KCNQ1: variants seen among roughly 807,000 people sequenced by gnomAD.
The protein encoded by KCNQ1 is potassium voltage-gated channel subfamily KQT member 1.
In KCNQ1, 49 loss-of-function variants were observed where a neutral mutation model predicts 72.4. The ratio of observed to expected loss-of-function variants is 0.68; its 90% CI spans 0.54 to 0.86. The LOEUF is 0.86. KCNQ1 is among the 40% of genes least tolerant of loss of function. KCNQ1 has a pLI of 0.00. For missense variants in KCNQ1, 790 were observed against 945.1 expected, an observed-to-expected ratio of 0.84 and a Z score of 2.15; for synonymous variants, 450 against 412.6, an observed-to-expected ratio of 1.09 and a Z score of -1.10.
chr11:2,449,523 C>T (rs1048279958), intron 1 of KCNQ1, among the ~76,000 whole-genome samples: 2 of 151,972 alleles, frequency 1.3e-5, no homozygotes, highest in African/African-American at 4.8e-5. Context: ...GCTGGCACGT[C>T]AGCTGCTGCT....
rs112479859 is a variant in KCNQ1, at chr11:2,748,530, G to T, written c.1515-20314G>T. Among the ~76,000 whole-genome samples, 1 of 152,230 alleles carries T rather than the reference G, an allele frequency of 6.6e-6. No individual in the cohort carries two copies. Among genetic ancestry groups the T allele is most frequent in the Non-Finnish European group, 1.5e-5 (1 of 68,034 alleles). On this transcript the variant is annotated intron_variant, in intron 11 of 15. Coordinates refer to ENST00000155840, the MANE Select transcript of KCNQ1 (RefSeq NM_000218.3). The surrounding 1 kb of genome is among the most constrained non-coding windows in gnomAD (Gnocchi z 6.2). ...CCCGAGGGCCCAGCTGGGCGTCCAC[G>T]TGGAGGTGTGGGGCCCGGGTGGGAC...
At chr11:2,814,027 A>ATGGG (rs1847551204) in intron 15 of KCNQ1, among the ~76,000 whole-genome samples, 1 of 148,190 alleles carries the variant, frequency 6.7e-6, no homozygotes, top group African/African-American at 2.5e-5. Flanking sequence ...TGATGGATGG[A>ATGGG]TGGGTGTGTG....
Position 2,602,099 on chromosome 11 carries a change from G to A in KCNQ1, c.1393+13245G>A, listed in dbSNP as rs538293226. Among the ~76,000 whole-genome samples the A allele has an allele frequency of 6.6e-6, 1 of 152,276 alleles. No individual in the cohort carries two copies. The highest frequency in any genetic ancestry group is 2.4e-5 in the African/African-American group (1 of 41,548). On this transcript the variant is annotated intron_variant, in intron 10 of 15. Transcript: ENST00000155840. The surrounding 1 kb of genome is among the most constrained non-coding windows in gnomAD (Gnocchi z 4.8). ...GGGTTACGTGGCCACGGAAGCAGGGGCAGGAAATGGCAATGTGATTTGAGG... is the reference window on the plus strand; with the variant it reads ...GGGTTACGTGGCCACGGAAGCAGGGACAGGAAATGGCAATGTGATTTGAGG...
chr11:2,793,255 CA>C (rs1847066537), intron 15 of KCNQ1, among the ~76,000 whole-genome samples: 1 of 152,192 alleles, frequency 6.6e-6, no homozygotes, highest in Admixed American at 6.5e-5. Context: ...GGACCATATC[CA>C]ATAACGGGTG....
chr11:2,791,231 C>T (rs1334975991), intron 15 of KCNQ1, among the ~76,000 whole-genome samples: 1 of 152,184 alleles, frequency 6.6e-6, no homozygotes, highest in African/African-American at 2.4e-5. Flanking sequence ...GGCCGGAGCC[C>T]GCAGCGGCCG....
chr11:2,632,182 C>CAAA lies in KCNQ1; in HGVS notation c.1394-29760_1394-29758dup, dbSNP rs34998500. On this transcript the variant is annotated intron_variant, in intron 10 of 15. Coordinates refer to ENST00000155840, the MANE Select transcript of KCNQ1 (RefSeq NM_000218.3). ...TGGGCGACAGACCAAGACTCTGCCT[C>CAAA]AAAAAAAAAAAAAAAAAAAAAGAAA... 864 of 310,098 alleles carry CAAA rather than the reference C, an allele frequency of 2.8e-3. 1 individual carries two copies. The highest frequency in any genetic ancestry group is 4.6e-3 in the South Asian group (23 of 5,004). 19.2% of individuals were successfully genotyped at this position (310,098 alleles called of 1,614,324 possible). A position where few individuals can be genotyped will look rare whatever the true frequency, so the allele number is the denominator to read the frequency against.
rs775528048 is a variant in KCNQ1 at position 2,699,000 on chromosome 11, G to A, written c.1514+36919G>A. ...GGATTCCCACCTCCGATCCTAATTC[G>A]GGCCCTGACTCAGAACCACTAAGTG... On this transcript the variant is annotated intron_variant, in intron 11 of 15. Coordinates refer to ENST00000155840, the MANE Select transcript of KCNQ1 (RefSeq NM_000218.3). This position sits in a 1 kb window ranked among gnomAD's most constrained non-coding sequence, Gnocchi z 5.1. 23 of 398,402 alleles carry A rather than the reference G, an allele frequency of 5.8e-5. No homozygotes were observed. The highest frequency in any genetic ancestry group is 2.9e-4 in the African/African-American group (14 of 48,592). The allele number at this position is 398,402 out of a possible 1,614,324, so 24.7% of individuals were successfully genotyped here.
chr11:2,762,019 G>T lies in KCNQ1; in HGVS notation c.1515-6825G>T, dbSNP rs944556863. On this transcript the variant is annotated intron_variant, in intron 11 of 15. Transcript: ENST00000155840. The surrounding 1 kb of genome is among the most constrained non-coding windows in gnomAD (Gnocchi z 4.3). The stretch of plus-strand genomic sequence containing the variant: ...CCGCATCCAGACCTTGGCGGTCATG[G>T]CCACAGGCTCCCAAGGCCCTAAGTG... 2.0e-5 allele frequency among the ~76,000 whole-genome samples: 3 copies of T among 152,262 alleles called. No homozygotes were observed. The highest frequency in any genetic ancestry group is 7.2e-5 in the African/African-American group (3 of 41,480).
At chr11:2,721,096 G>A (rs1400783093) in intron 11 of KCNQ1, among the ~76,000 whole-genome samples, 1 of 152,184 alleles carries the variant, frequency 6.6e-6, no homozygotes, top group East Asian at 1.9e-4. Context: ...AAAAGGTGGG[G>A]AGGGGATTGG....
Position 2,541,248 on chromosome 11 carries a change from G to C in KCNQ1, c.477+13230G>C, listed in dbSNP as rs1324845148. 6.6e-6 allele frequency among the ~76,000 whole-genome samples: 1 copy of C among 152,248 alleles called. No homozygotes were observed. Among genetic ancestry groups the C allele is most frequent in the African/African-American group, 2.4e-5 (1 of 41,476 alleles). On this transcript the variant is annotated intron_variant, in intron 2 of 15. Transcript: ENST00000155840. This position sits in a 1 kb window ranked among gnomAD's most constrained non-coding sequence, Gnocchi z 4.8. Reference sequence around the variant, plus strand: ...GTCAAGTGTGTGCCGAGAGGCGCAGGCCAGCCCCTTTTCCTGGCGGGGTGA... The same window carrying C: ...GTCAAGTGTGTGCCGAGAGGCGCAGCCCAGCCCCTTTTCCTGGCGGGGTGA...
Position 2,767,116 on chromosome 11 carries a change from C to A in KCNQ1, c.1515-1728C>A, listed in dbSNP as rs561307210. Among the ~76,000 whole-genome samples the A allele has an allele frequency of 2.0e-5, 3 of 152,054 alleles. No individual in the cohort carries two copies. Among genetic ancestry groups the A allele is most frequent in the Non-Finnish European group, 4.4e-5 (3 of 68,026 alleles). On this transcript the variant is annotated intron_variant, in intron 11 of 15. Transcript: ENST00000155840. This position sits in a 1 kb window ranked among gnomAD's most constrained non-coding sequence, Gnocchi z 4.6. ...CCGGGAGGCGGAGGCTGCAGTGAGC[C>A]GAGGTTGTGCCACTGCACTCCAGCC...
At chr11:2,454,830 G>A (rs1040664670) in intron 1 of KCNQ1, among the ~76,000 whole-genome samples, 3 of 152,192 alleles carry the variant, frequency 2.0e-5, no homozygotes, top group Admixed American at 1.3e-4. Flanking sequence ...GGGTAAAAGC[G>A]AGACACATTC....
chr11:2,822,199 C>A (rs1649492680), intron 15 of KCNQ1, among the ~76,000 whole-genome samples: 1 of 152,186 alleles, frequency 6.6e-6, no homozygotes, highest in Admixed American at 6.5e-5. Flanking sequence ...GAGCCTCCAG[C>A]AGGTATCAGC....
intron 15 of KCNQ1, among the ~76,000 whole-genome samples, chr11:2,838,298 G>A (rs139972717): frequency 3.2e-4 from 49 of 152,272 alleles, no homozygotes; most frequent in Admixed American, 6.5e-4. Context: ...AGTGTGAAAC[G>A]GCATGCAGAA....
chr11:2,632,491 G>A (rs955090091), intron 10 of KCNQ1: 1 of 398,138 alleles, frequency 2.5e-6, no homozygotes, highest in African/African-American at 2.1e-5. Flanking sequence ...TGCTCCTTGT[G>A]GGTTTTTCTT....
intron 10 of KCNQ1, chr11:2,629,313 TTAAATGTATGCC>T (rs1849313501): frequency 2.5e-6 from 1 of 398,318 alleles, no homozygotes; most frequent in Admixed American, 4.4e-5. Flanking sequence ...ATCTCCTTGG[TTAAATGTATGCC>T]TAAATGTTAT....
At chr11:2,531,370 C>T (rs1395327163) in intron 2 of KCNQ1, among the ~76,000 whole-genome samples, 7 of 152,164 alleles carry the variant, frequency 4.6e-5, no homozygotes, top group Admixed American at 1.3e-4. Flanking sequence ...GGCCCCCATG[C>T]GGCATCTAAA....
Position 2,579,151 on chromosome 11 carries a change from A to C in KCNQ1, c.922-4284A>C, listed in dbSNP as rs575318850. 7.2e-5 allele frequency among the ~76,000 whole-genome samples: 11 copies of C among 152,178 alleles called. No homozygotes were observed. Among genetic ancestry groups the C allele is most frequent in the African/African-American group, 2.4e-4 (10 of 41,516 alleles). On this transcript the variant is annotated intron_variant, in intron 6 of 15. Coordinates refer to ENST00000155840, the MANE Select transcript of KCNQ1 (RefSeq NM_000218.3). The surrounding 1 kb of genome is among the most constrained non-coding windows in gnomAD (Gnocchi z 6.0). The stretch of plus-strand genomic sequence containing the variant: ...GAGCCAGGGCTTGGCATGCGGCTGG[A>C]GCTCAGGTTTCTGGGCTGGCCTCTG...
In KCNQ1 at chr11:2,670,153, C is replaced by T. The variant is rs911058044; in HGVS notation, c.1514+8072C>T. The T allele has an allele frequency of 1.0e-5, 4 of 398,456 alleles. No homozygotes were observed. Among genetic ancestry groups the T allele is most frequent in the South Asian group, 1.3e-4 (1 of 7,816 alleles). The allele number at this position is 398,456 out of a possible 1,614,324, so 24.7% of individuals were successfully genotyped here. Reference sequence around the variant, plus strand: ...ATCTGTCATTTGTTCTTATCACTGTCGGGCCCATCTGCCAAGGCAAGCACC... The same window carrying T: ...ATCTGTCATTTGTTCTTATCACTGTTGGGCCCATCTGCCAAGGCAAGCACC... On this transcript the variant is annotated intron_variant, in intron 11 of 15. Transcript: ENST00000155840. The surrounding 1 kb of genome is among the most constrained non-coding windows in gnomAD (Gnocchi z 4.9).
Sources: allele counts gnomAD v4.1 joint callset (sites outside exome capture counted in the v4.1 genomes callset), GRCh38; gene constraint gnomAD v4.1.1; non-coding constraint Gnocchi (gnomAD v3.1); transcripts MANE v1.5; gene names NCBI Gene and HGNC (gene_info 2026-07-23, HGNC 2026-07-21).